The following ZNF521 variants were observed in gnomAD, a reference collection of about 807,000 sequenced individuals.
The protein encoded by ZNF521 is zinc finger protein 521.
Under a neutral mutation model 105.5 loss-of-function variants are expected in ZNF521, and 14 were observed. The observed-to-expected ratio is 0.13, with a 90% CI of 0.09 to 0.21. The LOEUF is 0.21. ZNF521 is among the 10% of genes least tolerant of loss of function. The pLI, the probability that ZNF521 is intolerant of heterozygous loss-of-function variation, is 1.00. For missense variants in ZNF521, 1,233 were observed against 1,629.7 expected, an observed-to-expected ratio of 0.76 and a Z score of 4.19; for synonymous variants, 635 against 606.0, an observed-to-expected ratio of 1.05 and a Z score of -0.70.
intron 5 of ZNF521, among the ~76,000 whole-genome samples, chr18:25,155,234 A>AT (rs1461813807): frequency 6.6e-6 from 1 of 152,038 alleles, no homozygotes; most frequent in East Asian, 1.9e-4. Flanking sequence ...TTCTTTACCC[A>AT]TTTTTTAATT....
At chr18:25,125,090 A>G (rs1310868432) in intron 5 of ZNF521, among the ~76,000 whole-genome samples, 1 of 152,136 alleles carries the variant, frequency 6.6e-6, no homozygotes. Context: ...TGGATCCGAT[A>G]GTATCCTGGA....
Position 25,224,615 on chromosome 18 carries a change from C to G in ZNF521, c.3303G>C (p.Lys1101Asn), listed in dbSNP as rs1905975205. 1 of 1,614,136 alleles carries G rather than the reference C, an allele frequency of 6.2e-7. No individual in the cohort carries two copies. Among genetic ancestry groups the G allele is most frequent in the African/African-American group, 1.3e-5 (1 of 75,034 alleles). Residue 1101 changes from lysine to asparagine, a missense_variant, in exon 4 of 8, where the codon AAG becomes AAC. Physicochemically the swap from Lys to Asn is moderately conservative, Grantham distance 94 (BLOSUM62 0). Coordinates refer to ENST00000361524, the MANE Select transcript of ZNF521 (RefSeq NM_015461.3). The part of the protein sequence containing the change: ...GLCAGCVNLS[K>N]SASPGINVPP... ...GGACGTTAATGCCTGGGCTGGCGCT[C>G]TTACTGAGATTCACGCAGCCGGCAC...
intron 3 of ZNF521, among the ~76,000 whole-genome samples, chr18:25,285,694 TCTCTCA>T (rs1445057501): frequency 7.5e-6 from 1 of 132,996 alleles, no homozygotes; most frequent in African/African-American, 3.3e-5. Context: ...TCTCTCTCTC[TCTCTCA>T]CACACACACA....
At chr18:25,165,792 T>G (rs1012161952) in intron 5 of ZNF521, among the ~76,000 whole-genome samples, 1 of 152,226 alleles carries the variant, frequency 6.6e-6, no homozygotes, top group Non-Finnish European at 1.5e-5. Flanking sequence ...TTCCATATGG[T>G]TAATGAGCAA....
intron 5 of ZNF521, among the ~76,000 whole-genome samples, chr18:25,098,399 A>G (rs2033897209): frequency 6.6e-6 from 1 of 152,020 alleles, no homozygotes; most frequent in African/African-American, 2.4e-5. Context: ...CAGAGAAAAC[A>G]TGGTGCCTAC....
intron 7 of ZNF521, among the ~76,000 whole-genome samples, chr18:25,078,912 A>T (rs1599976657): frequency 6.6e-6 from 1 of 152,228 alleles, no homozygotes; most frequent in South Asian, 2.1e-4. Context: ...ACAAAGGGAT[A>T]GGACAGAGTG....
intron 4 of ZNF521, among the ~76,000 whole-genome samples, chr18:25,210,547 G>T (rs1162307177): frequency 6.6e-6 from 1 of 152,160 alleles, no homozygotes; most frequent in Admixed American, 6.5e-5. Flanking sequence ...GACATGAAGT[G>T]CATAGTATAT....
chr18:25,088,871 G>T (rs1213281432), intron 7 of ZNF521, among the ~76,000 whole-genome samples: 1 of 152,094 alleles, frequency 6.6e-6, no homozygotes, highest in East Asian at 1.9e-4. Context: ...CATATCTGAG[G>T]TTCAGAGGAC....
Position 25,340,607 on chromosome 18 carries a change from G to A in ZNF521, c.40+10300C>T, listed in dbSNP as rs867703556. ...ATATGAATTATTGATCAACTTGCAAGAATCACAATTTCTCAACATAAGAAT... is the reference window on the plus strand; with the variant it reads ...ATATGAATTATTGATCAACTTGCAAAAATCACAATTTCTCAACATAAGAAT... On this transcript the variant is annotated intron_variant, in intron 2 of 7. Transcript: ENST00000361524. 5.3e-5 allele frequency among the ~76,000 whole-genome samples: 8 copies of A among 152,300 alleles called. No homozygotes were observed. In the Middle Eastern group the frequency reaches 0.01, roughly 194 times the overall value.
chr18:25,242,589 C>T (rs936579990), intron 3 of ZNF521, among the ~76,000 whole-genome samples: 3 of 151,948 alleles, frequency 2.0e-5, no homozygotes, highest in Middle Eastern at 3.2e-3. Flanking sequence ...GGGGAGAATT[C>T]AATTATTTAG....
In ZNF521 at chr18:25,312,565, C is replaced by T. The variant is rs549618080; in HGVS notation, c.220+9443G>A. ...CGGTGGCTCACGCCTGTAATCCCAG[C>T]ACTTTGGGAGGCCGAGGCGGGTGGA... On this transcript the variant is annotated intron_variant, in intron 3 of 7. Coordinates refer to ENST00000361524, the MANE Select transcript of ZNF521 (RefSeq NM_015461.3). Among the ~76,000 whole-genome samples, 25 of 37,034 alleles carry T rather than the reference C, an allele frequency of 6.8e-4. 6 individuals are homozygous for T. In the East Asian group the frequency reaches 0.012, roughly 17 times the overall value. 24.3% of individuals were successfully genotyped at this position (37,034 alleles called of 152,430 possible). A position where few individuals can be genotyped will look rare whatever the true frequency, so the allele number is the denominator to read the frequency against.
At chr18:25,091,874 G>T in intron 6 of ZNF521, 76 bp downstream of exon 6, 3 of 1,548,070 alleles carry the variant, frequency 1.9e-6, no homozygotes, top group Non-Finnish European at 2.6e-6. Flanking sequence ...CATAGCAGTG[G>T]GAAGTAATGC....
intron 3 of ZNF521, among the ~76,000 whole-genome samples, chr18:25,273,054 C>G (rs1390509762): frequency 1.3e-5 from 2 of 150,880 alleles, no homozygotes; most frequent in East Asian, 3.9e-4. Context: ...TGGCAAAATC[C>G]TCTCTCTACA....
chr18:25,165,991 C>A (rs944715835), intron 5 of ZNF521, among the ~76,000 whole-genome samples: 5 of 152,134 alleles, frequency 3.3e-5, no homozygotes, highest in Admixed American at 1.3e-4. Context: ...TCAGTTACAG[C>A]CTACAGCCAT....
At chr18:25,081,900 T>G (rs188703344) in intron 7 of ZNF521, among the ~76,000 whole-genome samples, 38 of 152,354 alleles carry the variant, frequency 2.5e-4, no homozygotes, top group African/African-American at 8.9e-4. Flanking sequence ...AGCCATGTCC[T>G]GTTTGTGTCC....
chr18:25,248,472 G>A (rs987084935), intron 3 of ZNF521, among the ~76,000 whole-genome samples: 4 of 152,176 alleles, frequency 2.6e-5, no homozygotes, highest in South Asian at 2.1e-4. Flanking sequence ...GTCTTAAAAC[G>A]TAAACTTCTT....
intron 5 of ZNF521, among the ~76,000 whole-genome samples, chr18:25,117,455 A>G (rs940720186): frequency 6.6e-6 from 1 of 152,158 alleles, no homozygotes; most frequent in African/African-American, 2.4e-5. Flanking sequence ...AGAAAAGACA[A>G]TTAACTTAGA....
chr18:25,265,668 T>C (rs919189968), intron 3 of ZNF521, among the ~76,000 whole-genome samples: 2 of 152,164 alleles, frequency 1.3e-5, no homozygotes, highest in African/African-American at 4.8e-5. Flanking sequence ...AAAATAGAGC[T>C]ACCCTATCCC....
intron 5 of ZNF521, among the ~76,000 whole-genome samples, chr18:25,118,094 T>C (rs770824895): frequency 3.9e-5 from 6 of 152,126 alleles, no homozygotes; most frequent in Non-Finnish European, 7.4e-5. Flanking sequence ...ATTTCTGTCT[T>C]CTCACTAGAG....
Sources: gnomAD v4.1 joint callset for allele counts (sites outside exome capture counted in the v4.1 genomes callset) on GRCh38, gnomAD v4.1.1 for gene constraint, MANE v1.5 for transcripts, NCBI Gene and HGNC (gene_info 2026-07-23, HGNC 2026-07-21) for gene names.